Variants in CNTNAP5 observed in about 807,000 individuals in gnomAD.
CNTNAP5 encodes the protein contactin associated protein family member 5, also known as contactin-associated protein-like 5.
Under a neutral mutation model 150.2 loss-of-function variants are expected in CNTNAP5, and 72 were observed. The observed-to-expected ratio is 0.48, with a 90% CI of 0.40 to 0.58. CNTNAP5 has a LOEUF of 0.58. Ranked by LOEUF, CNTNAP5 falls within the 20% of genes least tolerant of loss-of-function variation. The pLI is 0.00. For missense variants in CNTNAP5, 1,636 were observed against 1,626.2 expected, an observed-to-expected ratio of 1.01 and a Z score of -0.10; for synonymous variants, 672 against 619.8, an observed-to-expected ratio of 1.08 and a Z score of -1.25.
chr2:124,746,306 C>T (rs965670467), intron 13 of CNTNAP5, among the ~76,000 whole-genome samples: 1 of 152,032 alleles, frequency 6.6e-6, no homozygotes, highest in Admixed American at 6.6e-5. Context: ...GAAATATTCT[C>T]AATCATAAAA....
chr2:124,320,503 C>G (rs1372353746), intron 3 of CNTNAP5, among the ~76,000 whole-genome samples: 1 of 152,154 alleles, frequency 6.6e-6, no homozygotes, highest in East Asian at 1.9e-4. Context: ...CTTCTGATTT[C>G]TGGAGCAGCT....
At chr2:124,229,382 A>G (rs1190070806) in intron 2 of CNTNAP5, among the ~76,000 whole-genome samples, 2 of 152,150 alleles carry the variant, frequency 1.3e-5, no homozygotes, top group Non-Finnish European at 2.9e-5. Context: ...GTTAAAGCTC[A>G]ACTATAATAG....
intron 1 of CNTNAP5, among the ~76,000 whole-genome samples, chr2:124,064,920 G>A (rs553458307): frequency 6.6e-6 from 1 of 152,182 alleles, no homozygotes; most frequent in African/African-American, 2.4e-5. Flanking sequence ...TTTGACCCTA[G>A]TGTAGATTGC....
intron 13 of CNTNAP5, among the ~76,000 whole-genome samples, chr2:124,664,240 T>C (rs1678650154): frequency 6.6e-6 from 1 of 151,480 alleles, no homozygotes; most frequent in Admixed American, 6.6e-5. Flanking sequence ...GGATGACTGC[T>C]TGAGCCCAAG....
chr2:124,826,083 A>G (rs1486694979), intron 19 of CNTNAP5, among the ~76,000 whole-genome samples: 5 of 152,200 alleles, frequency 3.3e-5, no homozygotes, highest in Non-Finnish European at 7.3e-5. Context: ...TTAATATATT[A>G]GCCTCAAGTA....
intron 3 of CNTNAP5, among the ~76,000 whole-genome samples, chr2:124,343,257 T>A (rs1253822806): frequency 1.3e-5 from 2 of 152,198 alleles, no homozygotes; most frequent in African/African-American, 4.8e-5. Context: ...TTAAGACATA[T>A]CAGAGATCTA....
intron 1 of CNTNAP5, among the ~76,000 whole-genome samples, chr2:124,211,523 A>AAC (rs3063440): frequency 0.034 from 5,059 of 149,756 alleles, 251 homozygotes; most frequent in African/African-American, 0.11. Flanking sequence ...CACACACACA[A>AAC]ACACACACAC....
At chr2:124,531,309 G>A (rs1213326397) in intron 10 of CNTNAP5, among the ~76,000 whole-genome samples, 1 of 152,156 alleles carries the variant, frequency 6.6e-6, no homozygotes, top group Non-Finnish European at 1.5e-5. Context: ...AAGTACAGAC[G>A]AAGCTTTGCT....
intron 1 of CNTNAP5, among the ~76,000 whole-genome samples, chr2:124,053,918 CT>C (rs1681776225): frequency 6.6e-6 from 1 of 152,148 alleles, no homozygotes; most frequent in African/African-American, 2.4e-5. Context: ...TTTAAAGATG[CT>C]GGAAAATTCT....
chr2:124,028,059 T>C (rs1021016175), intron 1 of CNTNAP5, among the ~76,000 whole-genome samples: 1 of 152,204 alleles, frequency 6.6e-6, no homozygotes, highest in Admixed American at 6.5e-5. Flanking sequence ...TAGCAATTTA[T>C]TTTCAAATAG....
intron 1 of CNTNAP5, among the ~76,000 whole-genome samples, chr2:124,133,436 G>T (rs1407900076): frequency 6.6e-6 from 1 of 152,170 alleles, no homozygotes; most frequent in Non-Finnish European, 1.5e-5. Flanking sequence ...GTTCTATGGT[G>T]ATCATCTCTA....
At chr2:124,500,809 G>A (rs931761731) in intron 7 of CNTNAP5, among the ~76,000 whole-genome samples, 3 of 152,088 alleles carry the variant, frequency 2.0e-5, no homozygotes, top group Non-Finnish European at 2.9e-5. Flanking sequence ...TGAAAATATA[G>A]GGCACTAAGA....
chr2:124,388,635 T>G (rs1458358014), intron 3 of CNTNAP5, among the ~76,000 whole-genome samples: 1 of 152,186 alleles, frequency 6.6e-6, no homozygotes, highest in Admixed American at 6.5e-5. Context: ...TGTGTGAATA[T>G]TTGCTAATGT....
chr2:124,079,847 G>A (rs2104673236), intron 1 of CNTNAP5, among the ~76,000 whole-genome samples: 1 of 152,234 alleles, frequency 6.6e-6, no homozygotes, highest in Middle Eastern at 3.4e-3. Context: ...TGCTCAAAAT[G>A]CATGGGTTCA....
intron 11 of CNTNAP5, among the ~76,000 whole-genome samples, chr2:124,584,488 A>T (rs961776693): frequency 3.9e-5 from 6 of 152,196 alleles, no homozygotes; most frequent in African/African-American, 1.4e-4. Context: ...CTCTAAGTGT[A>T]GCTCATGGCA....
rs1423165338 is a variant in CNTNAP5 at position 124,893,003 on chromosome 2, C to T, written c.3437-9879C>T. On this transcript the variant is annotated intron_variant, in intron 21 of 23. Coordinates refer to ENST00000682447, the MANE Select transcript of CNTNAP5 (RefSeq NM_001367498.1). ...AGGGTGTTTGACTCTCTGGGATGGG[C>T]AAAGTTTGCTGAAGAAGGTTAATAA... is the stretch of plus-strand genomic sequence containing the variant. Among the ~76,000 whole-genome samples the T allele has an allele frequency of 4.6e-5, 7 of 152,076 alleles. No individual in the cohort carries two copies. In the East Asian group the frequency reaches 1.4e-3, roughly 30 times the overall value.
intron 13 of CNTNAP5, among the ~76,000 whole-genome samples, chr2:124,660,918 T>TG (rs1678573769): frequency 1.5e-5 from 2 of 135,858 alleles, no homozygotes; most frequent in South Asian, 4.6e-4. Context: ...CACTCCAGTC[T>TG]GGGCAACAGA....
intron 22 of CNTNAP5, among the ~76,000 whole-genome samples, chr2:124,910,656 G>C (rs1678636095): frequency 1.3e-5 from 2 of 152,006 alleles, no homozygotes; most frequent in South Asian, 4.1e-4. Flanking sequence ...GTAGGACTTG[G>C]ACATGTTATT....
chr2:124,713,180 C>CTCCT (rs1553434363), intron 13 of CNTNAP5, among the ~76,000 whole-genome samples: 2 of 101,258 alleles, frequency 2.0e-5, no homozygotes, highest in Admixed American at 9.4e-5. Context: ...CTCTCTTTTC[C>CTCCT]TCCTTCCTTC....
Sources: allele counts gnomAD v4.1 joint callset (sites outside exome capture counted in the v4.1 genomes callset), GRCh38; gene constraint gnomAD v4.1.1; transcripts MANE v1.5; gene names NCBI Gene and HGNC (gene_info 2026-07-23, HGNC 2026-07-21).